CHAMP1: variants seen among roughly 807,000 people sequenced by gnomAD.
The protein encoded by CHAMP1 is chromosome alignment-maintaining phosphoprotein 1.
In CHAMP1, 4 loss-of-function variants were observed where a neutral mutation model predicts 54.5. That is an observed-to-expected ratio of 0.07 (90% CI 0.04 to 0.17). The LOEUF (loss-of-function observed/expected upper bound fraction) is 0.17. Ranked by LOEUF, CHAMP1 falls within the 10% of genes least tolerant of loss-of-function variation. CHAMP1 has a pLI of 1.00. For missense variants in CHAMP1, 994 were observed against 968.6 expected (o/e 1.03, Z -0.35); for synonymous variants, 368 against 342.2 (o/e 1.08, Z -0.83).
chr13:114,325,480 C>A lies in CHAMP1; in HGVS notation c.1638C>A (p.Arg546=). 1 of 1,614,138 alleles carries A rather than the reference C, an allele frequency of 6.2e-7. No individual in the cohort carries two copies. The highest frequency in any genetic ancestry group is 8.5e-7 in the Non-Finnish European group (1 of 1,180,030). ...KTAPPASPEA[R]KRALFPEPRK... The stretch of plus-strand genomic sequence containing the variant: ...CCCCTCCTGCTTCTCCAGAAGCACG[C>A]AAACGTGCCCTTTTTCCAGAGCCCC... Residue 546 remains arginine, a synonymous_variant, in exon 3 of 3, where the codon CGC becomes CGA. Transcript: ENST00000361283.
At position 114,324,935 on chromosome 13, in the gene CHAMP1, G is replaced by A. The variant is rs1446327342; in HGVS notation, c.1093G>A (p.Val365Met). The A allele has an allele frequency of 1.2e-6, 2 of 1,613,958 alleles. No homozygotes were observed. The highest frequency in any genetic ancestry group is 1.3e-5 in the African/African-American group (1 of 74,864). ...SPGPWKPTPS[V>M]SSASWKSSSV... Reference sequence around the variant, plus strand: ...TGGACCTTGGAAACCAACTCCATCTGTGTCTTCTGCATCCTGGAAATCTTC... The same window carrying A: ...TGGACCTTGGAAACCAACTCCATCTATGTCTTCTGCATCCTGGAAATCTTC... Residue 365 changes from valine to methionine, a missense_variant, in exon 3 of 3, where the codon GTG becomes ATG. Around this residue, in one of 3 missense-constraint regions of CHAMP1, gnomAD observed 851 missense variants for 701.3 expected, o/e 1.21. Coordinates refer to ENST00000361283, the MANE Select transcript of CHAMP1 (RefSeq NM_032436.4).
Position 114,325,547 on chromosome 13 carries a change from T to C in CHAMP1, c.1705T>C (p.Phe569Leu). 1 of 1,614,192 alleles carries C rather than the reference T, an allele frequency of 6.2e-7. No individual in the cohort carries two copies. Among genetic ancestry groups the C allele is most frequent in the Non-Finnish European group, 8.5e-7 (1 of 1,180,040 alleles). The change falls in exon 3 of 3, where the codon TTC becomes CTC. Residue 569 changes from phenylalanine to leucine, a missense_variant. Around this residue, in one of 3 missense-constraint regions of CHAMP1, gnomAD observed 851 missense variants for 701.3 expected, o/e 1.21. Transcript: ENST00000361283. ...LFPELPKSAL[F>L]SESQKAVELG... The stretch of plus-strand genomic sequence containing the variant: ...CCCTGAACTCCCCAAATCTGCTCTA[T>C]TCTCAGAATCACAGAAGGCTGTTGA...
intron 1 of CHAMP1, among the ~76,000 whole-genome samples, chr13:114,320,271 T>C (rs1449289101): frequency 1.3e-5 from 2 of 152,158 alleles, no homozygotes; most frequent in Non-Finnish European, 2.9e-5. Flanking sequence ...ATCTTTGAAA[T>C]GCATGCAGGA....
intron 1 of CHAMP1, among the ~76,000 whole-genome samples, chr13:114,320,619 G>T (rs2139413012): frequency 6.6e-6 from 1 of 152,240 alleles, no homozygotes; most frequent in African/African-American, 2.4e-5. Flanking sequence ...CAAGGATGGT[G>T]TCAGGAGTGG....
At position 114,323,734 on chromosome 13, in the gene CHAMP1, C is replaced by G. The variant is rs1157180947; in HGVS notation, c.-55-54C>G. On this transcript the variant is annotated intron_variant, in intron 2 of 2. Transcript: ENST00000361283. ...ATGCAGTTATAGAATGGACTGACAG[C>G]ATTTTATTCAGAATTACAGTTCATG... The G allele has an allele frequency of 6.6e-6, 9 of 1,371,372 alleles. No homozygotes were observed. In the East Asian group the frequency reaches 1.9e-4, roughly 28 times the overall value. 85.0% of individuals were successfully genotyped at this position (1,371,372 alleles called of 1,614,324 possible). A position where few individuals can be genotyped will look rare whatever the true frequency, so the allele number is the denominator to read the frequency against.
chr13:114,317,345 G>A (rs933607645), intron 1 of CHAMP1, among the ~76,000 whole-genome samples: 3 of 150,616 alleles, frequency 2.0e-5, no homozygotes, highest in Non-Finnish European at 3.0e-5. Context: ...TTTCTTAAAG[G>A]CCAGGCATGG....
chr13:114,325,713 A>T lies in CHAMP1; in HGVS notation c.1871A>T (p.Gln624Leu). 6.2e-7 allele frequency: 1 copy of T among 1,614,048 alleles called. No individual in the cohort carries two copies. The highest frequency in any genetic ancestry group is 8.5e-7 in the Non-Finnish European group (1 of 1,179,992). ...TCAAAGAAGCTCAAGAAAGACAACC[A>T]AGAGAGCTCAGACGCTGAGCTTAGT... ...PSSKKLKKDNQESSDAELSSS... is the reference protein window; with the variant it reads ...PSSKKLKKDNLESSDAELSSS... The change falls in exon 3 of 3, where the codon CAA becomes CTA. Residue 624 changes from glutamine (Q) to leucine (L), a missense_variant. Around this residue, in one of 3 missense-constraint regions of CHAMP1, gnomAD observed 851 missense variants for 701.3 expected, o/e 1.21. Transcript: ENST00000361283.
In CHAMP1 at chr13:114,326,307, C is replaced by T; in HGVS notation, c.*26C>T. 1 of 1,537,308 alleles carries T rather than the reference C, an allele frequency of 6.5e-7. No homozygotes were observed. The highest frequency in any genetic ancestry group is 8.7e-7 in the Non-Finnish European group (1 of 1,146,532). On this transcript the variant is annotated 3_prime_UTR_variant, in exon 3 of 3. Coordinates refer to ENST00000361283, the MANE Select transcript of CHAMP1 (RefSeq NM_032436.4). ...TAACACAGTGTGAATATTTGTTCTA[C>T]AAAGGTGTTTGTTGGAACCATTCTT...
At chr13:114,323,161 A>C (rs2087194817) in intron 2 of CHAMP1, 1 of 152,218 alleles carries the variant, frequency 6.6e-6, no homozygotes, top group African/African-American at 2.4e-5. Flanking sequence ...CTTTAAGCCT[A>C]AGTGCCTAGA....
rs1555379445 is a variant in CHAMP1 at position 114,324,360 on chromosome 13, C to T, written c.518C>T (p.Ser173Phe). ...VSPELQTPLP[S>F]PEPSKPASVS... The stretch of plus-strand genomic sequence containing the variant: ...CCTGAGCTACAGACACCTCTTCCTT[C>T]TCCTGAGCCTTCAAAACCTGCCTCT... The change falls in exon 3 of 3, where the codon TCT becomes TTT. Residue 173 changes from serine to phenylalanine, a missense_variant. By Grantham distance (155) the Ser-to-Phe change is radical (BLOSUM62 -2). Transcript: ENST00000361283. 6.2e-6 allele frequency: 10 copies of T among 1,607,456 alleles called. No homozygotes were observed. The highest frequency in any genetic ancestry group is 1.7e-5 in the Admixed American group (1 of 59,944).
At chr13:114,315,456 T>C (rs78426788) in intron 1 of CHAMP1, among the ~76,000 whole-genome samples, 2,648 of 149,966 alleles carry the variant, frequency 0.018, 52 homozygotes, top group Non-Finnish European at 0.026. Context: ...AAAATCCAGA[T>C]GTCTATCAAC....
Position 114,324,663 on chromosome 13 carries a change from C to A in CHAMP1, c.821C>A (p.Thr274Asn). 6.2e-7 allele frequency: 1 copy of A among 1,614,060 alleles called. No individual in the cohort carries two copies. The highest frequency in any genetic ancestry group is 8.5e-7 in the Non-Finnish European group (1 of 1,179,988). The change falls in exon 3 of 3, where the codon ACC (threonine) becomes AAC (asparagine). Residue 274 changes from threonine to asparagine, a missense_variant. Coordinates refer to ENST00000361283, the MANE Select transcript of CHAMP1 (RefSeq NM_032436.4). ...GAATCTCGGAAGTCAGCCCGGACTA[C>A]CTCCCCTGAGCCAAGGAAGCCATCC... ...SPESRKSART[T>N]SPEPRKPSPS... is the part of the protein sequence containing the mutation.
rs2087210460 is a variant in CHAMP1 at position 114,324,332 on chromosome 13, T to C, written c.490T>C (p.Ser164Pro). Residue 164 changes from serine (S) to proline (P), a missense_variant, in exon 3 of 3, where the codon TCT (serine) becomes CCT (proline). Coordinates refer to ENST00000361283, the MANE Select transcript of CHAMP1 (RefSeq NM_032436.4). ...LEPQKPGSVV[S>P]PELQTPLPSP... ...GCCTCAGAAACCTGGCTCTGTTGTT[T>C]CTCCTGAGCTACAGACACCTCTTCC... The C allele has an allele frequency of 1.2e-6, 2 of 1,613,948 alleles. No homozygotes were observed. Among genetic ancestry groups the C allele is most frequent in the African/African-American group, 2.7e-5 (2 of 74,870 alleles).
intron 1 of CHAMP1, among the ~76,000 whole-genome samples, chr13:114,315,127 T>C (rs1362736188): frequency 6.6e-6 from 1 of 152,124 alleles, no homozygotes; most frequent in Non-Finnish European, 1.5e-5. Context: ...TTTGAATAGA[T>C]ATTTCTCCAG....
chr13:114,318,857 C>CTTTTTTTTTTTTTTTTTTTTTTTT (rs56669844), intron 1 of CHAMP1, among the ~76,000 whole-genome samples: 1 of 24,156 alleles, frequency 4.1e-5, no homozygotes, highest in African/African-American at 1.7e-4. Flanking sequence ...TCCTGGTTGC[C>CTTTTTTTTTTTTTTTTTTTTTTTT]TTTTTTTTTT....
At position 114,325,785 on chromosome 13, in the gene CHAMP1, G is replaced by T. The variant is rs138968646; in HGVS notation, c.1943G>T (p.Gly648Val). 12 of 1,614,024 alleles carry T rather than the reference G, an allele frequency of 7.4e-6. No homozygotes were observed. The highest frequency in any genetic ancestry group is 1.0e-5 in the Non-Finnish European group (12 of 1,180,044). The change falls in exon 3 of 3, where the codon GGC (glycine) becomes GTC (valine). Residue 648 changes from glycine (G) to valine (V), a missense_variant. Coordinates refer to ENST00000361283, the MANE Select transcript of CHAMP1 (RefSeq NM_032436.4). Reference protein sequence around the residue: ...KTDLDAMDIKGQESSSDQEQV... With the variant: ...KTDLDAMDIKVQESSSDQEQV... Reference sequence around the variant, plus strand: ...GATTTGGATGCGATGGATATTAAGGGCCAGGAATCAAGCAGTGATCAAGAG... The same window carrying T: ...GATTTGGATGCGATGGATATTAAGGTCCAGGAATCAAGCAGTGATCAAGAG...
rs1555379772 is a variant in CHAMP1, at chr13:114,325,293, T to C, written c.1451T>C (p.Phe484Ser). The C allele has an allele frequency of 1.2e-6, 2 of 1,614,148 alleles. No homozygotes were observed. The highest frequency in any genetic ancestry group is 1.7e-6 in the Non-Finnish European group (2 of 1,180,022). The change falls in exon 3 of 3, where the codon TTT becomes TCT. Residue 484 changes from phenylalanine (F) to serine (S), a missense_variant. Around this residue, in one of 3 missense-constraint regions of CHAMP1, gnomAD observed 851 missense variants for 701.3 expected, o/e 1.21. Transcript: ENST00000361283. The stretch of plus-strand genomic sequence containing the variant: ...TCTCCTGATCTCTGGAAGTCTTCCT[T>C]TTTTATTGAGCCTCAGAAACCTGTC... ...GGSPDLWKSSFFIEPQKPVFP... is the reference protein window; with the variant it reads ...GGSPDLWKSSSFIEPQKPVFP...
chr13:114,318,456 T>C (rs1649024924), intron 1 of CHAMP1, among the ~76,000 whole-genome samples: 1 of 152,072 alleles, frequency 6.6e-6, no homozygotes, highest in African/African-American at 2.4e-5. Context: ...CCCGAGTAGC[T>C]GGGACTATAG....
In CHAMP1 at chr13:114,323,790, G is replaced by A. The variant is rs2087201633; in HGVS notation, c.-53G>A. 3 of 1,522,846 alleles carry A rather than the reference G, an allele frequency of 2.0e-6. No individual in the cohort carries two copies. Among genetic ancestry groups the A allele is most frequent in the South Asian group, 1.3e-5 (1 of 76,204 alleles). The allele number at this position is 1,522,846 out of a possible 1,614,324, so 94.3% of individuals were successfully genotyped here. On this transcript the variant is annotated splice_region_variant and 5_prime_UTR_variant, in exon 3 of 3. Transcript: ENST00000361283. ...AATTTATTCCTACTTTATTGCAGCA[G>A]TATTGAAAGTTTTTAAAGAATATAA...
Sources: allele counts gnomAD v4.1 joint callset (sites outside exome capture counted in the v4.1 genomes callset), GRCh38; gene constraint gnomAD v4.1.1; regional missense constraint gnomAD v4.1.1; transcripts MANE v1.5; gene names NCBI Gene and HGNC (gene_info 2026-07-23, HGNC 2026-07-21).